Variants in ZMAT1 observed in about 807,000 individuals in gnomAD.
ZMAT1 encodes the protein zinc finger matrin-type protein 1.
A neutral mutation model predicts 18.5 loss-of-function variants in ZMAT1; 11 were observed. The observed-to-expected ratio is 0.59, with a 90% CI of 0.37 to 0.98. The LOEUF (loss-of-function observed/expected upper bound fraction) is 0.98, where lower values mean the gene tolerates loss of function less well. Ranked by LOEUF, ZMAT1 falls within the 50% of genes least tolerant of loss-of-function variation. The pLI, the probability that ZMAT1 is intolerant of heterozygous loss-of-function variation, is 0.01. For synonymous variants in ZMAT1, 211 were observed against 176.4 expected (o/e 1.20, Z -1.55); for missense variants, 525 against 496.2 (o/e 1.06, Z -0.55).
chrX:101,926,343 T>C (rs1406688083), intron 1 of ZMAT1, among the ~76,000 whole-genome samples: 2 of 112,387 alleles, frequency 1.8e-5, no homozygotes, highest in South Asian at 3.6e-4. Flanking sequence ...TTTTGTTGGA[T>C]TGTGCCTACT....
chrX:101,885,747 G>A (rs149285156), intron 5 of ZMAT1, among the ~76,000 whole-genome samples: 1,932 of 111,176 alleles, frequency 0.017, 46 homozygotes, highest in African/African-American at 0.061. Context: ...GCAGTGGTGT[G>A]ATCATGGTTC....
At position 101,924,353 on chromosome X, in the gene ZMAT1, C is replaced by G. The variant is rs76693540; in HGVS notation, c.292+7364G>C. On this transcript the variant is annotated intron_variant, in intron 1 of 5. Coordinates refer to ENST00000651725, the MANE Select transcript of ZMAT1 (RefSeq NM_001394560.1). The stretch of plus-strand genomic sequence containing the variant: ...TCTCGAACTCTTGACCACAGGTGAT[C>G]CACTCATCTCGGCCTCCCAAAGTGC... 2.4e-4 allele frequency among the ~76,000 whole-genome samples: 27 copies of G among 111,736 alleles called. No homozygotes were observed. The East Asian group carries it at 6.5e-3, about 27-fold the overall frequency.
chrX:101,903,337 G>A (rs1398014219), intron 2 of ZMAT1, among the ~76,000 whole-genome samples: 1 of 111,592 alleles, frequency 9.0e-6, no homozygotes, highest in Non-Finnish European at 1.9e-5. Flanking sequence ...ACTAGTCAAT[G>A]GTGGAATTAA....
chrX:101,887,172 T>C, intron 4 of ZMAT1: 1 of 701,882 alleles, frequency 1.4e-6, no homozygotes. Flanking sequence ...TAAAAACAAA[T>C]AAAGGCAAAT....
intron 1 of ZMAT1, among the ~76,000 whole-genome samples, chrX:101,931,305 C>G (rs781782654): frequency 8.9e-6 from 1 of 112,102 alleles, no homozygotes; most frequent in Non-Finnish European, 1.9e-5. Flanking sequence ...CATCGGTCCC[C>G]GTTCCCTTAT....
In ZMAT1 at chrX:101,904,670, C is replaced by T. The variant is rs748415151; in HGVS notation, c.293-340G>A. ...TTAAAAACCCAGCCTTGGCCAGGTG[C>T]GGTGGCTCATGCCTGTAATCCCAGC... On this transcript the variant is annotated intron_variant, in intron 1 of 5. Transcript: ENST00000651725. Among the ~76,000 whole-genome samples, 8 of 111,038 alleles carry T rather than the reference C, an allele frequency of 7.2e-5. No homozygotes were observed. In the East Asian group the frequency reaches 8.5e-4, roughly 12 times the overall value.
chrX:101,923,897 G>T (rs1364443545), intron 1 of ZMAT1, among the ~76,000 whole-genome samples: 1 of 111,268 alleles, frequency 9.0e-6, no homozygotes, highest in African/African-American at 3.3e-5. Flanking sequence ...AATATCAAAT[G>T]ACAACATACT....
intron 1 of ZMAT1, chrX:101,918,620 G>C (rs1259341564): frequency 9.3e-6 from 1 of 108,030 alleles, no homozygotes; most frequent in Non-Finnish European, 1.9e-5. Context: ...CCTGGTGACA[G>C]AGCAAGACTC....
At chrX:101,891,995 GT>G (rs1267951762) in intron 4 of ZMAT1, among the ~76,000 whole-genome samples, 1 of 111,617 alleles carries the variant, frequency 9.0e-6, no homozygotes, top group Non-Finnish European at 1.9e-5. Context: ...AAGATACTTG[GT>G]AGTAATCCAC....
intron 1 of ZMAT1, among the ~76,000 whole-genome samples, chrX:101,916,233 C>T (rs1400767767): frequency 9.2e-6 from 1 of 108,216 alleles, no homozygotes. Context: ...CACATCGGGG[C>T]CAGTTGGGGG....
intron 1 of ZMAT1, among the ~76,000 whole-genome samples, chrX:101,928,942 T>C (rs1930232065): frequency 9.0e-6 from 1 of 111,436 alleles, no homozygotes; most frequent in East Asian, 2.8e-4. Flanking sequence ...AAAAATGAAA[T>C]ATGAAGTGTC....
At chrX:101,929,402 T>C (rs1173441322) in intron 1 of ZMAT1, among the ~76,000 whole-genome samples, 1 of 88,820 alleles carries the variant, frequency 1.1e-5, no homozygotes, top group Admixed American at 1.3e-4. Context: ...TATATATATA[T>C]ATTCTATATA....
At chrX:101,886,564 A>G in intron 5 of ZMAT1, 68 bp downstream of exon 5, 1 of 760,228 alleles carries the variant, frequency 1.3e-6, no homozygotes, top group African/African-American at 2.1e-5. Context: ...TGTAAAATAC[A>G]TCAAAGAGTG....
chrX:101,892,181 G>A (rs1927465065), intron 4 of ZMAT1, among the ~76,000 whole-genome samples: 1 of 111,159 alleles, frequency 9.0e-6, no homozygotes, highest in African/African-American at 3.3e-5. Context: ...GGTCCAAAGA[G>A]GTTAGGTACC....
At chrX:101,923,942 G>A (rs986454103) in intron 1 of ZMAT1, among the ~76,000 whole-genome samples, 1 of 111,284 alleles carries the variant, frequency 9.0e-6, no homozygotes, top group African/African-American at 3.3e-5. Context: ...GTCTCATCTG[G>A]AAAAAATACA....
chrX:101,901,309 T>C lies in ZMAT1; in HGVS notation c.399+2915A>G, dbSNP rs1277909316. On this transcript the variant is annotated intron_variant, in intron 2 of 5. Transcript: ENST00000651725. Reference sequence around the variant, plus strand: ...TTTGGATGCCCTTTATTTCTTTCTTTGTCTGATTGCTCTGGTTAGGAATTC... The same window carrying C: ...TTTGGATGCCCTTTATTTCTTTCTTCGTCTGATTGCTCTGGTTAGGAATTC... Among the ~76,000 whole-genome samples the C allele has an allele frequency of 3.6e-5, 4 of 111,234 alleles. No individual in the cohort carries two copies. The East Asian group carries it at 1.1e-3, about 31-fold the overall frequency.
chrX:101,901,387 T>C (rs1163477120), intron 2 of ZMAT1, among the ~76,000 whole-genome samples: 1 of 111,275 alleles, frequency 9.0e-6, no homozygotes, highest in African/African-American at 3.3e-5. Flanking sequence ...TCTTGTTCCA[T>C]TCCTCAGAGG....
At position 101,884,519 on chromosome X, in the gene ZMAT1, G is replaced by C. The variant is rs1926764349; in HGVS notation, c.1079C>G (p.Ser360Cys). The change falls in exon 6 of 6, where the codon TCT becomes TGT. Residue 360 changes from serine (S) to cysteine (C), a missense_variant. Physicochemically the swap from Ser to Cys is moderately radical, Grantham distance 112. Transcript: ENST00000651725. ...GTAATCTTCAAGTTCATCTTGGAAA[G>C]AGTCATATGTCTTCTTTGAATGAGG... ...QLPHSKKTYD[S>C]FQDELEDYIK... 8.3e-6 allele frequency: 10 copies of C among 1,211,341 alleles called. No homozygotes were observed. The highest frequency in any genetic ancestry group is 1.1e-5 in the Non-Finnish European group (10 of 895,251).
In ZMAT1 at chrX:101,883,221, C is replaced by A. The variant is rs761984479; in HGVS notation, c.*289G>T. The A allele has an allele frequency of 2.0e-5, 4 of 198,292 alleles. No homozygotes were observed. In the East Asian group the frequency reaches 3.6e-4, roughly 18 times the overall value. The allele number at this position is 198,292 out of a possible 1,213,427, so 16.3% of individuals were successfully genotyped here. ...GCAAACAAAACTAAAAGTTCAATACCCAAGAATAGACTCATTCCAAAACAC... is the reference window on the plus strand; with the variant it reads ...GCAAACAAAACTAAAAGTTCAATACACAAGAATAGACTCATTCCAAAACAC... On this transcript the variant is annotated 3_prime_UTR_variant, in exon 6 of 6. Coordinates refer to ENST00000651725, the MANE Select transcript of ZMAT1 (RefSeq NM_001394560.1).
Sources: gnomAD v4.1 joint callset for allele counts (sites outside exome capture counted in the v4.1 genomes callset) on GRCh38, gnomAD v4.1.1 for gene constraint, MANE v1.5 for transcripts, NCBI Gene and HGNC (gene_info 2026-07-23, HGNC 2026-07-21) for gene names.